The following RGS6 variants were observed in gnomAD, a reference collection of about 807,000 sequenced individuals.
RGS6 encodes regulator of G-protein signaling 6.
In RGS6, 30 loss-of-function variants were observed where a neutral mutation model predicts 78.5. That is an observed-to-expected ratio of 0.38 (90% confidence interval 0.29 to 0.52). The LOEUF is 0.52. RGS6 is among the 20% of genes least tolerant of loss of function. RGS6 has a pLI of 0.85. For synonymous variants in RGS6, 206 were observed against 206.0 expected, an observed-to-expected ratio of 1.00 and a Z score of 0.00; for missense variants, 495 against 609.7, an observed-to-expected ratio of 0.81 and a Z score of 1.98.
At chr14:72,178,538 A>C (rs1303188831) in intron 2 of RGS6, among the ~76,000 whole-genome samples, 1 of 152,250 alleles carries the variant, frequency 6.6e-6, no homozygotes, top group East Asian at 1.9e-4. Flanking sequence ...TTAATAAAGA[A>C]TTATACTTGT....
intron 2 of RGS6, among the ~76,000 whole-genome samples, chr14:71,976,321 T>C: frequency 6.6e-6 from 1 of 151,586 alleles, no homozygotes; most frequent in Non-Finnish European, 1.5e-5. Context: ...GCAGGTTAGT[T>C]ACATATGTAT....
At chr14:71,876,153 T>C in the RGS6 span, among the ~76,000 whole-genome samples, 1 of 152,206 alleles carries the variant, frequency 6.6e-6, no homozygotes, top group Non-Finnish European at 1.5e-5. Context: ...TGTAGATGTC[T>C]ATTAGGTCCA....
intron 17 of RGS6, among the ~76,000 whole-genome samples, chr14:72,550,134 C>CGT (rs3831611): frequency 2.6e-5 from 4 of 151,906 alleles, no homozygotes; most frequent in African/African-American, 9.7e-5. Flanking sequence ...TTTTTCCTCT[C>CGT]CATCTTTTGC....
chr14:72,536,997 G>A (rs995006917), intron 16 of RGS6, among the ~76,000 whole-genome samples: 3 of 152,146 alleles, frequency 2.0e-5, no homozygotes, highest in African/African-American at 7.2e-5. Context: ...AATTCAGCTA[G>A]ATTCCTGGGA....
At chr14:72,100,706 T>G (rs1344962434) in intron 2 of RGS6, among the ~76,000 whole-genome samples, 2 of 152,214 alleles carry the variant, frequency 1.3e-5, no homozygotes, top group African/African-American at 4.8e-5. Flanking sequence ...GAATTCATGA[T>G]TTCCATAGTT....
chr14:72,131,097 T>C (rs2096304610), intron 2 of RGS6, among the ~76,000 whole-genome samples: 1 of 152,236 alleles, frequency 6.6e-6, no homozygotes, highest in African/African-American at 2.4e-5. Flanking sequence ...CAAACCTGAC[T>C]CAGATCTACT....
chr14:72,317,597 G>GT (rs972846376), intron 2 of RGS6, among the ~76,000 whole-genome samples: 1 of 151,992 alleles, frequency 6.6e-6, no homozygotes, highest in African/African-American at 2.4e-5. Flanking sequence ...TTTTGTTGTT[G>GT]TTTCTTTTTC....
rs771215630 is a variant in RGS6, at chr14:72,510,243, G to A, written c.1055G>A (p.Arg352Gln). 8.1e-6 allele frequency: 13 copies of A among 1,614,130 alleles called. No homozygotes were observed. The highest frequency in any genetic ancestry group is 7.6e-6 in the Non-Finnish European group (9 of 1,180,004). The change falls in exon 14 of 18, where the codon CGA becomes CAA. Residue 352 changes from arginine to glutamine, a missense_variant. Physicochemically the swap from Arg to Gln is conservative, Grantham distance 43. Transcript: ENST00000553525. ...KDQVGRDQFL[R>Q]FLESEFSSEN... ...CAGGTGGGGCGGGACCAGTTTCTAC[G>A]ATTCCTGGAGTCCGAATTCAGTTCA...
chr14:72,607,857 C>T, the RGS6 span, among the ~76,000 whole-genome samples: 7 of 152,322 alleles, frequency 4.6e-5, no homozygotes, highest in East Asian at 5.8e-4. Context: ...GACCCATGTC[C>T]GCAGCAACCA....
chr14:72,357,330 A>T (rs2080528999), intron 3 of RGS6, among the ~76,000 whole-genome samples: 1 of 152,132 alleles, frequency 6.6e-6, no homozygotes, highest in Non-Finnish European at 1.5e-5. Context: ...AGGAAGGAAC[A>T]GTTTGAAGGG....
intron 3 of RGS6, among the ~76,000 whole-genome samples, chr14:72,388,812 C>T (rs2089099262): frequency 6.6e-6 from 1 of 152,154 alleles, no homozygotes; most frequent in Non-Finnish European, 1.5e-5. Flanking sequence ...GCTTTGATTA[C>T]CTCATCTATA....
chr14:72,002,059 T>G (rs2083565555), intron 2 of RGS6, among the ~76,000 whole-genome samples: 1 of 151,930 alleles, frequency 6.6e-6, no homozygotes, highest in African/African-American at 2.4e-5. Context: ...TGCACCACCA[T>G]GCCTGGCTAA....
At chr14:71,990,663 G>A (rs1480890939) in intron 2 of RGS6, 11 of 455,886 alleles carry the variant, frequency 2.4e-5, no homozygotes, top group South Asian at 6.2e-5. Flanking sequence ...TGCCCACCCC[G>A]TGAAACTTTG....
intron 2 of RGS6, among the ~76,000 whole-genome samples, chr14:72,042,129 C>CT (rs202194668): frequency 0.29 from 38,703 of 134,336 alleles, 5,982 homozygotes; most frequent in Non-Finnish European, 0.34. Context: ...TTTTCTTTTT[C>CT]TTTTTTTTTT....
At chr14:72,292,699 G>T (rs2063827378) in intron 2 of RGS6, among the ~76,000 whole-genome samples, 1 of 152,146 alleles carries the variant, frequency 6.6e-6, no homozygotes, top group Non-Finnish European at 1.5e-5. Flanking sequence ...CTTCACATAA[G>T]CAAGATGTTA....
chr14:71,920,695 G>T, the RGS6 span, among the ~76,000 whole-genome samples: 1 of 152,216 alleles, frequency 6.6e-6, no homozygotes, highest in Non-Finnish European at 1.5e-5. Flanking sequence ...AGTATGTCTG[G>T]TTGGGGTATT....
chr14:72,528,898 C>T (rs926372313), intron 15 of RGS6, among the ~76,000 whole-genome samples: 5 of 152,202 alleles, frequency 3.3e-5, no homozygotes, highest in African/African-American at 4.8e-5. Context: ...CCAGCACCCC[C>T]ATAAATCAGC....
intron 17 of RGS6, among the ~76,000 whole-genome samples, chr14:72,549,643 C>A (rs975301802): frequency 6.6e-6 from 1 of 152,168 alleles, no homozygotes; most frequent in Non-Finnish European, 1.5e-5. Flanking sequence ...AGGCAGATCA[C>A]CTGAGGTCAG....
At chr14:72,362,479 T>C (rs1386457004) in intron 3 of RGS6, among the ~76,000 whole-genome samples, 1 of 152,216 alleles carries the variant, frequency 6.6e-6, no homozygotes, top group African/African-American at 2.4e-5. Flanking sequence ...GCCATAGTCA[T>C]CTGATGGCTC....
Sources: allele counts gnomAD v4.1 joint callset (sites outside exome capture counted in the v4.1 genomes callset), GRCh38; gene constraint gnomAD v4.1.1; transcripts MANE v1.5; gene names NCBI Gene and HGNC (gene_info 2026-07-23, HGNC 2026-07-21).